The following SEZ6L variants were observed in gnomAD, a reference collection of about 807,000 sequenced individuals.
SEZ6L encodes the protein seizure related 6 homolog like.
SEZ6L carries 37 observed loss-of-function variants against 106.2 expected under a neutral mutation model. That is an observed-to-expected ratio of 0.35 (90% confidence interval 0.27 to 0.46). SEZ6L has a LOEUF of 0.46. Ranked by LOEUF, SEZ6L falls within the 20% of genes least tolerant of loss-of-function variation. The pLI, the probability that SEZ6L is intolerant of heterozygous loss-of-function variation, is 1.00. For missense variants in SEZ6L, 1,172 were observed against 1,332.8 expected, an observed-to-expected ratio of 0.88 and a Z score of 1.88; for synonymous variants, 541 against 570.4, an observed-to-expected ratio of 0.95 and a Z score of 0.73.
At chr22:26,374,861 T>C (rs1271458202) in intron 14 of SEZ6L, among the ~76,000 whole-genome samples, 2 of 151,832 alleles carry the variant, frequency 1.3e-5, no homozygotes, top group African/African-American at 4.8e-5. Context: ...CAGTGGGAGG[T>C]TGAGAGAGCA....
At chr22:26,368,655 A>C (rs1424772503) in intron 13 of SEZ6L, among the ~76,000 whole-genome samples, 1 of 152,098 alleles carries the variant, frequency 6.6e-6, no homozygotes, top group Non-Finnish European at 1.5e-5. Flanking sequence ...GGCAGAGGTC[A>C]TGGTTGCGCA....
intron 1 of SEZ6L, among the ~76,000 whole-genome samples, chr22:26,230,425 T>A (rs1163537054): frequency 6.6e-6 from 1 of 152,102 alleles, no homozygotes. Context: ...ATTCAACAAA[T>A]ACTTATTGAG....
At chr22:26,289,139 G>A (rs2081030317) in intron 1 of SEZ6L, among the ~76,000 whole-genome samples, 1 of 152,194 alleles carries the variant, frequency 6.6e-6, no homozygotes, top group South Asian at 2.1e-4. Flanking sequence ...AGTCATGCTA[G>A]TGAATAGTGG....
In SEZ6L at chr22:26,357,067, T is replaced by C. The variant is rs567136171; in HGVS notation, c.2599+5824T>C. Among the ~76,000 whole-genome samples the C allele has an allele frequency of 9.2e-5, 14 of 151,956 alleles. No homozygotes were observed. The East Asian group carries it at 2.7e-3, about 29-fold the overall frequency. ...CCCGGGTTCACGCCATTCTCCTGCCTCAGGCTCCAGAGTAGCTGGGACTAC... is the reference window on the plus strand; with the variant it reads ...CCCGGGTTCACGCCATTCTCCTGCCCCAGGCTCCAGAGTAGCTGGGACTAC... On this transcript the variant is annotated intron_variant, in intron 12 of 16. Transcript: ENST00000248933.
intron 1 of SEZ6L, among the ~76,000 whole-genome samples, chr22:26,178,087 G>A (rs754960353): frequency 1.3e-5 from 2 of 152,262 alleles, no homozygotes; most frequent in South Asian, 2.1e-4. Context: ...AAGTTTTAAG[G>A]GTATCTGTTT....
intron 12 of SEZ6L, 21 bp downstream of exon 12, chr22:26,351,264 T>C: frequency 6.2e-7 from 1 of 1,608,902 alleles, no homozygotes; most frequent in Non-Finnish European, 8.5e-7. Context: ...TTTAATGAAT[T>C]GGGCCCCCAG....
At chr22:26,216,329 A>G (rs1483572951) in intron 1 of SEZ6L, among the ~76,000 whole-genome samples, 7 of 152,172 alleles carry the variant, frequency 4.6e-5, no homozygotes, top group Admixed American at 3.3e-4. Flanking sequence ...CCTGTCCCCA[A>G]GTGGTGGATG....
At chr22:26,297,395 A>T (rs1310105885) in intron 4 of SEZ6L, among the ~76,000 whole-genome samples, 4 of 152,314 alleles carry the variant, frequency 2.6e-5, no homozygotes, top group African/African-American at 9.6e-5. Context: ...ACTAAGGAGC[A>T]TAAGAAATAG....
chr22:26,277,828 C>T (rs1421099162), intron 1 of SEZ6L, among the ~76,000 whole-genome samples: 3 of 152,186 alleles, frequency 2.0e-5, no homozygotes, highest in South Asian at 2.1e-4. Context: ...TCTCTGTCCT[C>T]GAGAAACTTC....
rs1569448453 is a variant in SEZ6L, at chr22:26,292,823, A to T, written c.512A>T (p.Asp171Val). The T allele has an allele frequency of 3.1e-6, 5 of 1,613,956 alleles. No individual in the cohort carries two copies. Among genetic ancestry groups the T allele is most frequent in the Non-Finnish European group, 4.2e-6 (5 of 1,179,916 alleles). Residue 171 changes from aspartate to valine, a missense_variant, in exon 2 of 17, where the codon GAC (aspartate) becomes GTC (valine). By Grantham distance (152) the Asp-to-Val change is radical (BLOSUM62 -3). Coordinates refer to ENST00000248933, the MANE Select transcript of SEZ6L (RefSeq NM_021115.5). ...TEKPGPPGDPDPIVASEEASE... is the reference protein window; with the variant it reads ...TEKPGPPGDPVPIVASEEASE... The stretch of plus-strand genomic sequence containing the variant: ...AAGCCTGGCCCACCGGGGGACCCGG[A>T]CCCCATCGTGGCCTCCGAGGAGGCA...
chr22:26,226,114 T>C (rs2078627199), intron 1 of SEZ6L, among the ~76,000 whole-genome samples: 1 of 152,212 alleles, frequency 6.6e-6, no homozygotes, highest in South Asian at 2.1e-4. Context: ...CCTGGCCAAC[T>C]GCAACCATCC....
intron 16 of SEZ6L, among the ~76,000 whole-genome samples, chr22:26,379,347 A>G (rs1346746342): frequency 1.3e-5 from 2 of 152,246 alleles, no homozygotes; most frequent in African/African-American, 4.8e-5. Flanking sequence ...TCTCCTAGTT[A>G]GAATCAAGTC....
intron 6 of SEZ6L, among the ~76,000 whole-genome samples, chr22:26,309,177 A>G (rs2145919026): frequency 6.6e-6 from 1 of 152,374 alleles, no homozygotes; most frequent in African/African-American, 2.4e-5. Context: ...AAAGAAGCTT[A>G]TCTAATTTGT....
At chr22:26,183,490 A>G (rs1939544084) in intron 1 of SEZ6L, among the ~76,000 whole-genome samples, 1 of 152,196 alleles carries the variant, frequency 6.6e-6, no homozygotes, top group Admixed American at 6.5e-5. Context: ...CCTAGTTGCT[A>G]TTGAAACAAA....
At chr22:26,356,399 T>G (rs1472648413) in intron 12 of SEZ6L, among the ~76,000 whole-genome samples, 1 of 152,078 alleles carries the variant, frequency 6.6e-6, no homozygotes, top group Non-Finnish European at 1.5e-5. Flanking sequence ...CCTAGCACTT[T>G]GGGAGGCTGA....
intron 9 of SEZ6L, among the ~76,000 whole-genome samples, chr22:26,325,260 G>T (rs576829362): frequency 6.6e-6 from 1 of 152,322 alleles, no homozygotes; most frequent in South Asian, 2.1e-4. Flanking sequence ...GATACAGAGA[G>T]GGGCCAAGCT....
At chr22:26,292,267 G>A (rs1374946798) in intron 1 of SEZ6L, 139 bp from the exon 2 acceptor site, 5 of 610,164 alleles carry the variant, frequency 8.2e-6, no homozygotes, top group Admixed American at 3.0e-5. Flanking sequence ...AGGGAGGGAG[G>A]GAGAAAGGAG....
intron 1 of SEZ6L, among the ~76,000 whole-genome samples, chr22:26,221,390 C>T (rs2078465395): frequency 6.6e-6 from 1 of 152,152 alleles, no homozygotes. Context: ...GTTACCATCA[C>T]AGGCCTATAG....
At chr22:26,262,614 C>T (rs2080051086) in intron 1 of SEZ6L, among the ~76,000 whole-genome samples, 1 of 152,134 alleles carries the variant, frequency 6.6e-6, no homozygotes, top group Admixed American at 6.5e-5. Flanking sequence ...GCACAGGGAG[C>T]TCAGGGAGCT....
Sources: gnomAD v4.1 joint callset for allele counts (sites outside exome capture counted in the v4.1 genomes callset) on GRCh38, gnomAD v4.1.1 for gene constraint, MANE v1.5 for transcripts, NCBI Gene and HGNC (gene_info 2026-07-23, HGNC 2026-07-21) for gene names.